Variants in CPSF2 observed in about 807,000 individuals in gnomAD.
CPSF2 encodes the protein cleavage and polyadenylation specificity factor subunit 2.
CPSF2 carries 51 observed loss-of-function variants against 84.2 expected under a neutral mutation model. That is an observed-to-expected ratio of 0.61 (90% CI 0.48 to 0.77). The LOEUF is 0.77. Among genes scored for constraint, CPSF2 ranks in the 30% least tolerant of loss-of-function variants. CPSF2 has a pLI of 0.00. For missense variants in CPSF2, 641 were observed against 929.4 expected (o/e 0.69, Z 4.03); for synonymous variants, 286 against 311.9 (o/e 0.92, Z 0.87).
chr14:92,155,356 A>C, intron 11 of CPSF2, 33 bp downstream of exon 11: 1 of 1,508,196 alleles, frequency 6.6e-7, no homozygotes. Flanking sequence ...TCTCTCTTAC[A>C]AATTGGAGGT....
chr14:92,146,904 T>C (rs531364987), intron 9 of CPSF2, among the ~76,000 whole-genome samples: 40 of 152,342 alleles, frequency 2.6e-4, no homozygotes, highest in African/African-American at 9.6e-4. Flanking sequence ...TAGTGTTCTT[T>C]CCTGGCTTTG....
At chr14:92,128,586 G>A (rs1475963590) in intron 2 of CPSF2, among the ~76,000 whole-genome samples, 1 of 152,342 alleles carries the variant, frequency 6.6e-6, no homozygotes, top group Middle Eastern at 3.4e-3. Context: ...CAGCCTAGTA[G>A]AGAGAAGTAC....
chr14:92,144,566 T>A (rs187146026), intron 9 of CPSF2, among the ~76,000 whole-genome samples: 2 of 152,300 alleles, frequency 1.3e-5, no homozygotes, highest in Admixed American at 6.5e-5. Context: ...TTAAGCAAAA[T>A]TTTGCAAATA....
intron 3 of CPSF2, among the ~76,000 whole-genome samples, chr14:92,132,833 G>A (rs2068950454): frequency 6.6e-6 from 1 of 152,152 alleles, no homozygotes; most frequent in Admixed American, 6.5e-5. Context: ...GCTCATGCCT[G>A]CAATCCCAGC....
intron 1 of CPSF2, among the ~76,000 whole-genome samples, chr14:92,123,811 T>A (rs2068811464): frequency 6.6e-6 from 1 of 152,262 alleles, no homozygotes; most frequent in Non-Finnish European, 1.5e-5. Flanking sequence ...GCTTCATTCC[T>A]TCTTGCAGTA....
chr14:92,161,088 C>T, intron 14 of CPSF2, 24 bp from the exon 15 acceptor site: 4 of 1,609,630 alleles, frequency 2.5e-6, no homozygotes, highest in Non-Finnish European at 3.4e-6. Context: ...TGAAGTTATT[C>T]TTTCCCCTTT....
intron 1 of CPSF2, among the ~76,000 whole-genome samples, chr14:92,122,596 T>G (rs570178823): frequency 3.3e-4 from 51 of 152,348 alleles, no homozygotes; most frequent in Admixed American, 1.6e-3. Flanking sequence ...ACCTTTCGGT[T>G]GTTTGTACCA....
chr14:92,135,314 C>CAA, intron 5 of CPSF2, 53 bp from the exon 6 acceptor site: 1 of 1,474,508 alleles, frequency 6.8e-7, no homozygotes, highest in South Asian at 1.3e-5. Context: ...AAATAAATAA[C>CAA]CTTTCTTTAG....
chr14:92,157,605 T>A lies in CPSF2; in HGVS notation c.1596-54T>A, dbSNP rs1307710037. The stretch of plus-strand genomic sequence containing the variant: ...TATATTGTATACATGATAAAAGCCA[T>A]TTTTTTTTAGAATTATGAGAAAAGT... On this transcript the variant is annotated intron_variant, in intron 12 of 15. Transcript: ENST00000298875. The surrounding 1 kb of genome is among the most constrained non-coding windows in gnomAD (Gnocchi z 4.0). The A allele has an allele frequency of 2.6e-6, 3 of 1,160,422 alleles. No homozygotes were observed. Among genetic ancestry groups the A allele is most frequent in the East Asian group, 2.6e-5 (1 of 39,020 alleles). The allele number at this position is 1,160,422 out of a possible 1,614,324, so 71.9% of individuals were successfully genotyped here.
rs2069423658 is a variant in CPSF2, at chr14:92,164,911, A to G, written c.*3167A>G. Reference sequence around the variant, plus strand: ...TCATCACTCCAAAAAGAAACACCATACCCACTACCAGTCACTCCTCATGCC... The same window carrying G: ...TCATCACTCCAAAAAGAAACACCATGCCCACTACCAGTCACTCCTCATGCC... On this transcript the variant is annotated 3_prime_UTR_variant, in exon 16 of 16. Transcript: ENST00000298875. The G allele has an allele frequency of 6.6e-6, 1 of 152,174 alleles. No individual in the cohort carries two copies. The highest frequency in any genetic ancestry group is 2.4e-5 in the African/African-American group (1 of 41,442). The allele number at this position is 152,174 out of a possible 1,614,324, so 9.4% of individuals were successfully genotyped here. A position where few individuals can be genotyped will look rare whatever the true frequency, so the allele number is the denominator to read the frequency against.
Position 92,166,278 on chromosome 14 carries a change from T to G in CPSF2, c.*4534T>G, listed in dbSNP as rs1171088992. 1 of 152,208 alleles carries G rather than the reference T, an allele frequency of 6.6e-6. No homozygotes were observed. The highest frequency in any genetic ancestry group is 1.5e-5 in the Non-Finnish European group (1 of 68,044). 9.4% of individuals were successfully genotyped at this position (152,208 alleles called of 1,614,324 possible). A position where few individuals can be genotyped will look rare whatever the true frequency, so the allele number is the denominator to read the frequency against. On this transcript the variant is annotated 3_prime_UTR_variant, in exon 16 of 16. Coordinates refer to ENST00000298875, the MANE Select transcript of CPSF2 (RefSeq NM_017437.3). ...AAAGTCATGAAGATTTACACTCTTT[T>G]TTTTTCTAACAGTTTTACAGTTTAG...
chr14:92,128,701 G>C (rs1259833106), intron 2 of CPSF2, among the ~76,000 whole-genome samples: 2 of 152,202 alleles, frequency 1.3e-5, no homozygotes, highest in African/African-American at 4.8e-5. Context: ...TAGGGAAAAA[G>C]TAGTCAGCGA....
Position 92,155,586 on chromosome 14 carries a change from G to A in CPSF2, c.1442+263G>A, listed in dbSNP as rs961128484. The stretch of plus-strand genomic sequence containing the variant: ...TAAAGGTTTAAAAACATGATCACGT[G>A]ATCAAGACTTTTTTCCCCCACTTAA... On this transcript the variant is annotated intron_variant, in intron 11 of 15. Coordinates refer to ENST00000298875, the MANE Select transcript of CPSF2 (RefSeq NM_017437.3). 4.6e-5 allele frequency among the ~76,000 whole-genome samples: 7 copies of A among 152,126 alleles called. No homozygotes were observed. In the East Asian group the frequency reaches 9.6e-4, roughly 21 times the overall value.
rs921932351 is a variant in CPSF2 at position 92,169,289 on chromosome 14, A to T, written c.*7545A>T. The T allele has an allele frequency of 6.6e-6, 1 of 152,188 alleles. No homozygotes were observed. The highest frequency in any genetic ancestry group is 6.6e-5 in the Admixed American group (1 of 15,256). The allele number at this position is 152,188 out of a possible 1,614,324, so 9.4% of individuals were successfully genotyped here. A position where few individuals can be genotyped will look rare whatever the true frequency, so the allele number is the denominator to read the frequency against. The stretch of plus-strand genomic sequence containing the variant: ...CATTGTGGTCTCAGCCTCATGTGGC[A>T]TTGCCACTTGTTACTACATGACCCC... On this transcript the variant is annotated 3_prime_UTR_variant, in exon 16 of 16. Transcript: ENST00000298875.
At chr14:92,142,954 A>C in intron 8 of CPSF2, 50 bp from the exon 9 acceptor site, 5 of 1,394,198 alleles carry the variant, frequency 3.6e-6, no homozygotes, top group Non-Finnish European at 4.9e-6. Flanking sequence ...GAATATATTG[A>C]AGTTATAATA....
At chr14:92,124,842 G>A (rs1160951962) in intron 1 of CPSF2, among the ~76,000 whole-genome samples, 3 of 152,020 alleles carry the variant, frequency 2.0e-5, no homozygotes, top group Admixed American at 6.5e-5. Context: ...AAATTCACCC[G>A]TTTCTTTTTC....
At chr14:92,147,713 GTTTAT>G (rs1223471632) in intron 9 of CPSF2, among the ~76,000 whole-genome samples, 1 of 152,038 alleles carries the variant, frequency 6.6e-6, no homozygotes, top group Non-Finnish European at 1.5e-5. Flanking sequence ...GTATTTATTT[GTTTAT>G]TTTAACTTTT....
chr14:92,131,152 T>A lies in CPSF2; in HGVS notation c.149+19T>A. On this transcript the variant is annotated intron_variant, in intron 3 of 15. Coordinates refer to ENST00000298875, the MANE Select transcript of CPSF2 (RefSeq NM_017437.3). ...TGAGGAAGTAAGTTACATTTCATAATTCTATGTTTTTATTAAATCAACTTC... is the reference window on the plus strand; with the variant it reads ...TGAGGAAGTAAGTTACATTTCATAAATCTATGTTTTTATTAAATCAACTTC... 1.3e-6 allele frequency: 2 copies of A among 1,569,544 alleles called. No homozygotes were observed. The highest frequency in any genetic ancestry group is 1.7e-6 in the Non-Finnish European group (2 of 1,151,282).
chr14:92,129,701 T>TA, intron 2 of CPSF2, among the ~76,000 whole-genome samples: 1 of 152,286 alleles, frequency 6.6e-6, no homozygotes, highest in East Asian at 1.9e-4. Context: ...ATCCCATTTT[T>TA]AAAAAATGTA....
Sources: gnomAD v4.1 joint callset for allele counts (sites outside exome capture counted in the v4.1 genomes callset) on GRCh38, gnomAD v4.1.1 for gene constraint, Gnocchi (gnomAD v3.1) non-coding constraint, MANE v1.5 for transcripts, NCBI Gene and HGNC (gene_info 2026-07-23, HGNC 2026-07-21) for gene names.